Variants in SEMA3A observed in about 807,000 individuals in gnomAD.
SEMA3A encodes the protein semaphorin 3A.
In SEMA3A, 29 loss-of-function variants were observed where a neutral mutation model predicts 97.9. The observed-to-expected ratio is 0.30, with a 90% confidence interval of 0.22 to 0.40. The LOEUF (loss-of-function observed/expected upper bound fraction) is 0.40. SEMA3A is among the 10% of genes least tolerant of loss of function. The pLI, the probability that SEMA3A is intolerant of heterozygous loss-of-function variation, is 1.00. For synonymous variants in SEMA3A, 321 were observed against 323.7 expected (o/e 0.99, Z 0.09); for missense variants, 763 against 951.3 (o/e 0.80, Z 2.60).
chr7:84,325,393 G>T (rs180939680), intron 2 of SEMA3A, among the ~76,000 whole-genome samples: 98 of 152,186 alleles, frequency 6.4e-4, no homozygotes, highest in African/African-American at 2.2e-3. Flanking sequence ...GAAGGTCAGG[G>T]AGAACTTCTC....
At chr7:84,136,016 A>G (rs1423877232) in intron 1 of SEMA3A, among the ~76,000 whole-genome samples, 1 of 152,184 alleles carries the variant, frequency 6.6e-6, no homozygotes, top group Non-Finnish European at 1.5e-5. Context: ...GAAGCTAATT[A>G]ATTATTGGCT....
At chr7:84,332,038 AAT>A (rs1456459611) in intron 2 of SEMA3A, among the ~76,000 whole-genome samples, 1 of 152,162 alleles carries the variant, frequency 6.6e-6, no homozygotes, top group Admixed American at 6.6e-5. Flanking sequence ...TTATTCACAA[AAT>A]TCTCATAAGC....
At chr7:84,214,951 C>G (rs1474914214) in intron 3 of SEMA3A, among the ~76,000 whole-genome samples, 1 of 151,482 alleles carries the variant, frequency 6.6e-6, no homozygotes, top group Non-Finnish European at 1.5e-5. Context: ...TCCGCCCCCC[C>G]TTGGCCTCCC....
At chr7:83,997,290 T>C (rs1790260524) in intron 12 of SEMA3A, among the ~76,000 whole-genome samples, 1 of 152,228 alleles carries the variant, frequency 6.6e-6, no homozygotes, top group Non-Finnish European at 1.5e-5. Context: ...TATAGTATTT[T>C]ATTTTAAATG....
chr7:84,164,450 C>A, intron 1 of SEMA3A, among the ~76,000 whole-genome samples: 1 of 151,894 alleles, frequency 6.6e-6, no homozygotes, highest in East Asian at 1.9e-4. Flanking sequence ...TTATCATTCC[C>A]TGGATGATAA....
intron 3 of SEMA3A, among the ~76,000 whole-genome samples, chr7:84,251,369 T>G (rs1799604909): frequency 6.6e-6 from 1 of 152,152 alleles, no homozygotes; most frequent in Admixed American, 6.5e-5. Context: ...GAGAGCTGAT[T>G]TACATGATTG....
chr7:84,427,490 T>C (rs1350676586), intron 1 of SEMA3A, among the ~76,000 whole-genome samples: 3 of 151,314 alleles, frequency 2.0e-5, no homozygotes, highest in South Asian at 2.1e-4. Context: ...CTACTAAAAT[T>C]ACAAAAATTA....
At chr7:84,478,900 G>A (rs1806371500) in intron 1 of SEMA3A, among the ~76,000 whole-genome samples, 1 of 151,904 alleles carries the variant, frequency 6.6e-6, no homozygotes, top group Non-Finnish European at 1.5e-5. Context: ...TAAATAGAAG[G>A]TGATATGACA....
At chr7:84,238,451 T>G (rs1799285788) in intron 3 of SEMA3A, among the ~76,000 whole-genome samples, 1 of 152,186 alleles carries the variant, frequency 6.6e-6, no homozygotes, top group Non-Finnish European at 1.5e-5. Context: ...CACTTAATTT[T>G]TATTCATGTA....
intron 4 of SEMA3A, among the ~76,000 whole-genome samples, chr7:84,069,804 T>C (rs572869758): frequency 6.6e-6 from 1 of 152,258 alleles, no homozygotes; most frequent in East Asian, 1.9e-4. Flanking sequence ...TTTAAAGTCA[T>C]TTATATGAAT....
At chr7:84,169,196 CA>C (rs894945045) in intron 1 of SEMA3A, among the ~76,000 whole-genome samples, 1 of 150,902 alleles carries the variant, frequency 6.6e-6, no homozygotes, top group African/African-American at 2.4e-5. Context: ...AAACATTTCC[CA>C]AAAAAGAGCT....
chr7:84,169,478 G>A (rs1797316539), intron 1 of SEMA3A, among the ~76,000 whole-genome samples: 1 of 149,712 alleles, frequency 6.7e-6, no homozygotes. Context: ...ATAAGTAGTA[G>A]TGAAGGATTT....
At chr7:84,433,793 C>G (rs1467396610) in intron 1 of SEMA3A, among the ~76,000 whole-genome samples, 3 of 152,152 alleles carry the variant, frequency 2.0e-5, no homozygotes, top group Non-Finnish European at 4.4e-5. Context: ...GATGGTATCT[C>G]ATTGTAAGTT....
intron 3 of SEMA3A, among the ~76,000 whole-genome samples, chr7:84,262,309 G>T (rs1049571093): frequency 1.3e-5 from 2 of 152,112 alleles, no homozygotes; most frequent in Admixed American, 1.3e-4. Context: ...CCACCTCCCA[G>T]GTTCAAGCGA....
At chr7:84,169,667 T>C (rs1200597452) in intron 1 of SEMA3A, among the ~76,000 whole-genome samples, 1 of 151,498 alleles carries the variant, frequency 6.6e-6, no homozygotes, top group African/African-American at 2.4e-5. Flanking sequence ...ACCATTTCTT[T>C]GTTGTTAGAT....
At chr7:84,028,967 CA>C (rs1001997849) in intron 6 of SEMA3A, among the ~76,000 whole-genome samples, 5 of 152,164 alleles carry the variant, frequency 3.3e-5, no homozygotes, top group Admixed American at 3.3e-4. Context: ...TTCAACTTTG[CA>C]TTTCTATATT....
At chr7:84,426,936 A>G (rs1369497616) in intron 1 of SEMA3A, among the ~76,000 whole-genome samples, 1 of 152,154 alleles carries the variant, frequency 6.6e-6, no homozygotes, top group African/African-American at 2.4e-5. Context: ...ATGTTAGCAA[A>G]TTAACGTATT....
At chr7:84,135,178 G>A (rs901245578) in intron 1 of SEMA3A, among the ~76,000 whole-genome samples, 3 of 150,648 alleles carry the variant, frequency 2.0e-5, no homozygotes, top group Non-Finnish European at 4.4e-5. Context: ...GTACAATGGC[G>A]GGATCTCGGT....
chr7:84,002,299 TGAA>T (rs1790490546), intron 11 of SEMA3A, among the ~76,000 whole-genome samples: 1 of 152,176 alleles, frequency 6.6e-6, no homozygotes, highest in Non-Finnish European at 1.5e-5. Flanking sequence ...TGTTTAGCCT[TGAA>T]GAAGGTTTTA....
Sources: gnomAD v4.1 joint callset for allele counts (sites outside exome capture counted in the v4.1 genomes callset) on GRCh38, gnomAD v4.1.1 for gene constraint, MANE v1.5 for transcripts, NCBI Gene and HGNC (gene_info 2026-07-23, HGNC 2026-07-21) for gene names.